Variants in PTK2B observed in about 807,000 individuals in gnomAD.
The protein encoded by PTK2B is protein-tyrosine kinase 2-beta.
In PTK2B, 71 loss-of-function variants were observed where a neutral mutation model predicts 142.9. The observed-to-expected ratio is 0.50, with a 90% CI of 0.41 to 0.61. The LOEUF is 0.61. Ranked by LOEUF, PTK2B falls within the 20% of genes least tolerant of loss-of-function variation. PTK2B has a pLI of 0.00. For synonymous variants in PTK2B, 519 were observed against 503.4 expected (o/e 1.03, Z -0.42); for missense variants, 1,105 against 1,320.4 (o/e 0.84, Z 2.53).
intron 23 of PTK2B, 43 bp from the exon 24 acceptor site, chr8:27,445,732 AGCTAATTGTCTACCTTCTC>A (rs1302034479): frequency 6.2e-7 from 1 of 1,602,630 alleles, no homozygotes; most frequent in Non-Finnish European, 8.5e-7. Flanking sequence ...TGTTTGTAGC[AGCTAATTGTCTACCTTCTC>A]GCTTTGTCCC....
At chr8:27,323,737 C>G (rs1488666566), upstream of PTK2B, among the ~76,000 whole-genome samples, 1 of 152,082 alleles carries the variant, frequency 6.6e-6, no homozygotes, top group East Asian at 1.9e-4. Flanking sequence ...GCGGAGTTGG[C>G]CACCCCAGAG....
At chr8:27,451,367 C>T (rs1420465381) in intron 26 of PTK2B, 118 bp from the exon 27 acceptor site, 2 of 1,508,926 alleles carry the variant, frequency 1.3e-6, no homozygotes, top group East Asian at 2.3e-5. Flanking sequence ...GCACCCCCGA[C>T]CCCATGGCTG....
intron 3 of PTK2B, among the ~76,000 whole-genome samples, chr8:27,316,423 C>T (rs1187559021): frequency 2.0e-5 from 3 of 151,958 alleles, no homozygotes. Flanking sequence ...TAAATGTAAG[C>T]ATACAGATTG....
Position 27,365,637 on chromosome 8 carries a change from G to T in PTK2B, c.-37-31911G>T, listed in dbSNP as rs114133867. 9.2e-3 allele frequency among the ~76,000 whole-genome samples: 1,388 copies of T among 151,176 alleles called. 27 individuals are homozygous for T. Among genetic ancestry groups the T allele is most frequent in the African/African-American group, 0.033 (1,321 of 40,450 alleles). On this transcript the variant is annotated intron_variant, in intron 1 of 30. Coordinates refer to ENST00000346049, the MANE Select transcript of PTK2B (RefSeq NM_173176.3). The stretch of plus-strand genomic sequence containing the variant: ...TTTCCCCATATGTAACATGGTAGAA[G>T]AATGATAATACCAACTTCGTTTTGC...
Position 27,431,455 on chromosome 8 carries a change from A to G in PTK2B, c.868A>G (p.Thr290Ala), listed in dbSNP as rs748393259. 3.7e-6 allele frequency: 6 copies of G among 1,614,036 alleles called. No homozygotes were observed. In the Admixed American group the frequency reaches 8.3e-5, roughly 22 times the overall value. ...TGGCCCTAAAGGGATCCGCCAGCTG[A>G]CTAGTCAGGACGCAAAGGTAGAGAG... The part of the protein sequence containing the change: ...VIGPKGIRQL[T>A]SQDAKPTCLA... Residue 290 changes from threonine (T) to alanine (A), a missense_variant, in exon 9 of 31, where the codon ACT (threonine) becomes GCT (alanine). Transcript: ENST00000346049.
chr8:27,361,968 C>G (rs1389751610), intron 1 of PTK2B, among the ~76,000 whole-genome samples: 1 of 152,172 alleles, frequency 6.6e-6, no homozygotes, highest in South Asian at 2.1e-4. Context: ...CAAGCACACT[C>G]TATGTGTTCA....
intron 1 of PTK2B, among the ~76,000 whole-genome samples, chr8:27,375,124 C>T (rs570908768): frequency 2.0e-5 from 3 of 152,312 alleles, no homozygotes; most frequent in African/African-American, 7.2e-5. Context: ...AGTGGCATGA[C>T]ATCTTCATCC....
chr8:27,318,736 C>T (rs1463959088), intron 3 of PTK2B, among the ~76,000 whole-genome samples: 3 of 152,112 alleles, frequency 2.0e-5, no homozygotes, highest in Non-Finnish European at 4.4e-5. Flanking sequence ...CTGCAACCTC[C>T]GCCTCCAGGG....
rs141688675 is a variant in PTK2B, at chr8:27,426,659, A to C, written c.552-3434A>C. On this transcript the variant is annotated intron_variant, in intron 5 of 30. Coordinates refer to ENST00000346049, the MANE Select transcript of PTK2B (RefSeq NM_173176.3). ...GATTGTGGCACATCTGAGTGATTGG[A>C]CAGTTTTGTCAATGGTGACTATATA... is the stretch of plus-strand genomic sequence containing the variant. Among the ~76,000 whole-genome samples, 554 of 152,298 alleles carry C rather than the reference A, an allele frequency of 3.6e-3. 3 individuals carry two copies. Among genetic ancestry groups the C allele is most frequent in the African/African-American group, 0.012 (507 of 41,564 alleles).
rs1470616137 is a variant in PTK2B, at chr8:27,405,069, T to TC, written c.204+7281_204+7282insC. Among the ~76,000 whole-genome samples, 84 of 144,020 alleles carry TC rather than the reference T, an allele frequency of 5.8e-4. 2 individuals are homozygous for TC. In the South Asian group the frequency reaches 9.2e-3, roughly 16 times the overall value. 94.5% of individuals were successfully genotyped at this position (144,020 alleles called of 152,430 possible). A position where few individuals can be genotyped will look rare whatever the true frequency, so the allele number is the denominator to read the frequency against. Reference sequence around the variant, plus strand: ...CTCTCTCTCTCTCTCTCTCTCTCTCTTAGCCATGTGAGGACAGAAGGAGAA... The same window carrying TC: ...CTCTCTCTCTCTCTCTCTCTCTCTCTCTAGCCATGTGAGGACAGAAGGAGAA... On this transcript the variant is annotated intron_variant, in intron 2 of 30. Coordinates refer to ENST00000346049, the MANE Select transcript of PTK2B (RefSeq NM_173176.3).
intron 2 of PTK2B, among the ~76,000 whole-genome samples, chr8:27,419,333 C>G (rs886409050): frequency 2.6e-5 from 4 of 152,232 alleles, no homozygotes; most frequent in Non-Finnish European, 5.9e-5. Flanking sequence ...CTCCATGAAT[C>G]AGCTTGGCCT....
At chr8:27,374,468 A>G (rs1429057367) in intron 1 of PTK2B, among the ~76,000 whole-genome samples, 1 of 152,250 alleles carries the variant, frequency 6.6e-6, no homozygotes, top group Non-Finnish European at 1.5e-5. Context: ...GAGAGTAAGA[A>G]AAAATGTAAG....
chr8:27,435,866 A>G, intron 14 of PTK2B, 73 bp downstream of exon 14: 2 of 1,505,454 alleles, frequency 1.3e-6, no homozygotes, highest in Non-Finnish European at 1.8e-6. Flanking sequence ...CTCTGGTGAC[A>G]CCACAGGGAA....
In PTK2B at chr8:27,363,857, G is replaced by A. The variant is rs923926511; in HGVS notation, c.-37-33691G>A. 1.3e-5 allele frequency among the ~76,000 whole-genome samples: 2 copies of A among 152,186 alleles called. No individual in the cohort carries two copies. Among genetic ancestry groups the A allele is most frequent in the South Asian group, 2.1e-4 (1 of 4,830 alleles). Reference sequence around the variant, plus strand: ...ACCCACCCCCAGTCCTGTGGGCCACGATTACTCTCCCACGTGCTGGAGATG... The same window carrying A: ...ACCCACCCCCAGTCCTGTGGGCCACAATTACTCTCCCACGTGCTGGAGATG... On this transcript the variant is annotated intron_variant, in intron 1 of 30. Coordinates refer to ENST00000346049, the MANE Select transcript of PTK2B (RefSeq NM_173176.3). This position sits in a 1 kb window ranked among gnomAD's most constrained non-coding sequence, Gnocchi z 4.3.
intron 24 of PTK2B, among the ~76,000 whole-genome samples, chr8:27,449,496 G>GATAGAGAT (rs1261022601): frequency 6.6e-6 from 1 of 152,204 alleles, no homozygotes; most frequent in Non-Finnish European, 1.5e-5. Context: ...GCTAAAAGTA[G>GATAGAGAT]ATAGAGATAA....
Position 27,419,931 on chromosome 8 carries a change from G to C in PTK2B, c.241G>C (p.Gly81Arg). The change falls in exon 3 of 31, where the codon GGG (glycine) becomes CGG (arginine). Residue 81 changes from glycine (G) to arginine (R), a missense_variant. Physicochemically the swap from Gly to Arg is moderately radical, Grantham distance 125. Transcript: ENST00000346049. The part of the protein sequence containing the change: ...ITSILLSGRI[G>R]PNIRLAECYG... The stretch of plus-strand genomic sequence containing the variant: ...CTCCATCCTGCTGAGCGGGCGGATC[G>C]GGCCCAACATCCGGTTGGCTGAGTG... The C allele has an allele frequency of 6.2e-7, 1 of 1,614,164 alleles. No individual in the cohort carries two copies. Among genetic ancestry groups the C allele is most frequent in the Non-Finnish European group, 8.5e-7 (1 of 1,180,036 alleles).
At chr8:27,381,010 A>T (rs1806982174) in intron 1 of PTK2B, among the ~76,000 whole-genome samples, 1 of 152,224 alleles carries the variant, frequency 6.6e-6, no homozygotes, top group Admixed American at 6.5e-5. Flanking sequence ...TGTATTAGAT[A>T]CTTCAGATTG....
At position 27,436,304 on chromosome 8, in the gene PTK2B, G is replaced by A. The variant is rs1308067962; in HGVS notation, c.1297G>A (p.Glu433Lys). ...EDVVLNRILG[E>K]GFFGEVYEGV... ...TGTGGTCCTGAATCGTATTCTTGGG[G>A]AAGGCTTTTTTGGGGAGGTCTATGA... is the stretch of plus-strand genomic sequence containing the variant. Residue 433 changes from glutamate to lysine, a missense_variant, in exon 15 of 31, where the codon GAA becomes AAA. Coordinates refer to ENST00000346049, the MANE Select transcript of PTK2B (RefSeq NM_173176.3). 6.2e-7 allele frequency: 1 copy of A among 1,614,086 alleles called. No homozygotes were observed. Among genetic ancestry groups the A allele is most frequent in the Non-Finnish European group, 8.5e-7 (1 of 1,180,044 alleles).
At chr8:27,353,289 G>A (rs372177787) in intron 1 of PTK2B, among the ~76,000 whole-genome samples, 15 of 152,336 alleles carry the variant, frequency 9.8e-5, no homozygotes, top group African/African-American at 3.6e-4. Flanking sequence ...GCAGTAGGGA[G>A]TGGATGGGGA....
Sources: allele counts gnomAD v4.1 joint callset (sites outside exome capture counted in the v4.1 genomes callset), GRCh38; gene constraint gnomAD v4.1.1; non-coding constraint Gnocchi (gnomAD v3.1); transcripts MANE v1.5; gene names NCBI Gene and HGNC (gene_info 2026-07-23, HGNC 2026-07-21).